The following CSMD3 variants were observed in gnomAD, a reference collection of about 807,000 sequenced individuals.
The protein encoded by CSMD3 is CUB and Sushi multiple domains 3.
In CSMD3, 177 loss-of-function variants were observed where a neutral mutation model predicts 435.2. The observed-to-expected ratio is 0.41, with a 90% CI of 0.36 to 0.46. The LOEUF (loss-of-function observed/expected upper bound fraction) is 0.46. Among genes scored for constraint, CSMD3 ranks in the 20% least tolerant of loss-of-function variants. The pLI is 0.34. For synonymous variants in CSMD3, 1,656 were observed against 1,520.5 expected (o/e 1.09, Z -2.07); for missense variants, 4,265 against 4,504.6 (o/e 0.95, Z 1.52).
chr8:112,494,516 TTTCTTTC>T (rs1821092655), intron 30 of CSMD3, among the ~76,000 whole-genome samples: 1 of 121,926 alleles, frequency 8.2e-6, no homozygotes, highest in Admixed American at 8.6e-5. Context: ...TCTTTCTTTC[TTTCTTTC>T]TTTCTTTCTT....
chr8:113,173,536 G>C (rs900701154), intron 4 of CSMD3, among the ~76,000 whole-genome samples, 186 bp downstream of exon 4: 1 of 151,932 alleles, frequency 6.6e-6, no homozygotes, highest in Non-Finnish European at 1.5e-5. Flanking sequence ...TGGCCAGGCT[G>C]GTCTCAAACT....
intron 3 of CSMD3, among the ~76,000 whole-genome samples, chr8:113,201,098 A>G (rs2092711824): frequency 6.6e-6 from 1 of 151,932 alleles, no homozygotes; most frequent in Non-Finnish European, 1.5e-5. Flanking sequence ...ATTATTTTAA[A>G]CTAGATCTCA....
At chr8:112,410,625 T>TAA (rs1406421816) in intron 32 of CSMD3, among the ~76,000 whole-genome samples, 1 of 45,722 alleles carries the variant, frequency 2.2e-5, no homozygotes, top group Non-Finnish European at 5.0e-5. Flanking sequence ...TGTATATATA[T>TAA]GTGTATATAT....
intron 1 of CSMD3, among the ~76,000 whole-genome samples, chr8:113,402,011 C>G (rs1340685014): frequency 1.3e-5 from 2 of 151,432 alleles, no homozygotes; most frequent in African/African-American, 4.8e-5. Flanking sequence ...AATGTGTCCC[C>G]ATCTTTAAAT....
intron 22 of CSMD3, among the ~76,000 whole-genome samples, chr8:112,612,347 G>C (rs759599273): frequency 2.0e-5 from 3 of 152,104 alleles, no homozygotes; most frequent in African/African-American, 4.8e-5. Flanking sequence ...AGTTTCTTAG[G>C]AACAGTTGAT....
chr8:112,943,273 G>C (rs1164188563), intron 9 of CSMD3, among the ~76,000 whole-genome samples: 1 of 151,432 alleles, frequency 6.6e-6, no homozygotes, highest in African/African-American at 2.4e-5. Context: ...TCCAATCTGT[G>C]GAATGTTCTT....
intron 4 of CSMD3, among the ~76,000 whole-genome samples, chr8:113,162,571 CA>C (rs753811903): frequency 0.18 from 10,702 of 59,822 alleles, 428 homozygotes; most frequent in Non-Finnish European, 0.22. Flanking sequence ...GTCCCCACAT[CA>C]AAAAAAAAAA....
intron 9 of CSMD3, among the ~76,000 whole-genome samples, chr8:112,933,875 G>T: frequency 6.6e-6 from 1 of 152,018 alleles, no homozygotes; most frequent in East Asian, 1.9e-4. Context: ...AATACCACTA[G>T]CATCTAGTTG....
At chr8:112,516,599 T>C (rs978606833) in intron 28 of CSMD3, among the ~76,000 whole-genome samples, 2 of 152,144 alleles carry the variant, frequency 1.3e-5, no homozygotes, top group South Asian at 2.1e-4. Flanking sequence ...TTGGATTACA[T>C]GAATTAAATA....
intron 1 of CSMD3, among the ~76,000 whole-genome samples, chr8:113,400,141 A>G (rs914678380): frequency 6.6e-6 from 1 of 152,050 alleles, no homozygotes. Context: ...ATTAGTAAAT[A>G]AATTGCATAA....
chr8:112,690,571 T>C (rs2076110366), intron 13 of CSMD3, among the ~76,000 whole-genome samples: 2 of 143,758 alleles, frequency 1.4e-5, no homozygotes, highest in Admixed American at 1.4e-4. Flanking sequence ...GTTGGTTGAA[T>C]TATTTTCCCA....
chr8:113,389,021 A>T (rs908094293), intron 1 of CSMD3, among the ~76,000 whole-genome samples: 2 of 71,586 alleles, frequency 2.8e-5, no homozygotes, highest in African/African-American at 1.0e-4. Flanking sequence ...TTACTGGGTA[A>T]TATTTGTAAA....
At chr8:112,383,511 T>C in intron 37 of CSMD3, 56 bp downstream of exon 37, 1 of 1,007,190 alleles carries the variant, frequency 9.9e-7, no homozygotes, top group Non-Finnish European at 1.6e-6. Flanking sequence ...CTCTTTAATT[T>C]TTTTTATATT....
chr8:112,803,867 T>A (rs911205016), intron 12 of CSMD3, among the ~76,000 whole-genome samples: 1 of 152,176 alleles, frequency 6.6e-6, no homozygotes, highest in Non-Finnish European at 1.5e-5. Context: ...CATGGAGATT[T>A]GCACAGGATA....
intron 3 of CSMD3, among the ~76,000 whole-genome samples, chr8:113,231,578 T>TA (rs1055976846): frequency 4.6e-5 from 7 of 151,444 alleles, no homozygotes; most frequent in African/African-American, 1.7e-4. Context: ...AGTGCATTGT[T>TA]AAAAAAATTA....
chr8:113,086,065 A>G (rs10808454), intron 5 of CSMD3, among the ~76,000 whole-genome samples: 151,136 of 151,684 alleles, frequency 1, 75,295 homozygotes, highest in Middle Eastern at 1. Flanking sequence ...GTGAAACCCC[A>G]TATCTACTAA....
intron 22 of CSMD3, among the ~76,000 whole-genome samples, chr8:112,587,487 G>A (rs1830830868): frequency 6.6e-6 from 1 of 151,536 alleles, no homozygotes; most frequent in Admixed American, 6.6e-5. Context: ...TTTTCCCCCT[G>A]GATTAAAGGA....
At chr8:113,123,918 A>C (rs1289062300) in intron 4 of CSMD3, among the ~76,000 whole-genome samples, 1 of 151,948 alleles carries the variant, frequency 6.6e-6, no homozygotes, top group Non-Finnish European at 1.5e-5. Flanking sequence ...CTCTCAAAAA[A>C]TCTACTAATC....
chr8:112,663,850 T>A (rs2075450614), intron 17 of CSMD3, among the ~76,000 whole-genome samples: 1 of 152,150 alleles, frequency 6.6e-6, no homozygotes, highest in South Asian at 2.1e-4. Context: ...TAGAGTAATG[T>A]TGAGAGAGTG....
Sources: gnomAD v4.1 joint callset for allele counts (sites outside exome capture counted in the v4.1 genomes callset) on GRCh38, gnomAD v4.1.1 for gene constraint, MANE v1.5 for transcripts, NCBI Gene and HGNC (gene_info 2026-07-23, HGNC 2026-07-21) for gene names.